Variants in UNC119B observed in about 807,000 individuals in gnomAD.
UNC119B encodes protein unc-119 homolog B.
In UNC119B, 16 loss-of-function variants were observed where a neutral mutation model predicts 23.4. The ratio of observed to expected loss-of-function variants is 0.68; its 90% confidence interval spans 0.46 to 1.04. The LOEUF is 1.04. Among genes scored for constraint, UNC119B ranks in the 50% least tolerant of loss-of-function variants. The probability of loss-of-function intolerance (pLI) is 0.00; values close to 1 mark genes in which losing one functional copy is unlikely to be tolerated. For synonymous variants in UNC119B, 144 were observed against 145.4 expected (o/e 0.99, Z 0.07); for missense variants, 350 against 361.3 (o/e 0.97, Z 0.25).
intron 4 of UNC119B, among the ~76,000 whole-genome samples, chr12:120,718,071 T>A (rs1882818502): frequency 6.6e-6 from 1 of 152,136 alleles, no homozygotes; most frequent in South Asian, 2.1e-4. Flanking sequence ...GGTTTCACCG[T>A]GTTAGCCAGG....
intron 2 of UNC119B, 121 bp from the exon 3 acceptor site, chr12:120,716,507 C>G: frequency 2.0e-6 from 2 of 1,004,412 alleles, no homozygotes; most frequent in Non-Finnish European, 3.2e-6. Flanking sequence ...TAAACACTGG[C>G]CATTCTTCTT....
intron 4 of UNC119B, 48 bp downstream of exon 4, chr12:120,717,090 A>G (rs778975620): frequency 1.9e-5 from 29 of 1,517,336 alleles, no homozygotes; most frequent in Admixed American, 2.2e-5. Flanking sequence ...GAGGGCTACA[A>G]GGAACAAACC....
chr12:120,715,110 G>C (rs939697618), intron 2 of UNC119B, among the ~76,000 whole-genome samples: 8 of 152,298 alleles, frequency 5.3e-5, no homozygotes, highest in African/African-American at 1.7e-4. Context: ...AGGATGGCTT[G>C]AGCCTGGGAG....
At chr12:120,717,585 C>T (rs925369756) in intron 4 of UNC119B, among the ~76,000 whole-genome samples, 20 of 145,178 alleles carry the variant, frequency 1.4e-4, no homozygotes, top group African/African-American at 4.1e-4. Flanking sequence ...TTTTTTGAGA[C>T]GGAGTCTTGC....
Position 120,710,474 on chromosome 12 carries a change from G to A in UNC119B, c.-1G>A, listed in dbSNP as rs1882631910. On this transcript the variant is annotated 5_prime_UTR_variant, in exon 1 of 5. Coordinates refer to ENST00000344651, the MANE Select transcript of UNC119B (RefSeq NM_001080533.3). ...GCGGCGGCCATCTTGGCGGCGGAGC[G>A]ATGAGCGGGTCTAACCCGAAGGCTG... 1.6e-6 allele frequency: 2 copies of A among 1,288,484 alleles called. No homozygotes were observed. The highest frequency in any genetic ancestry group is 2.4e-5 in the South Asian group (1 of 41,214). 79.8% of individuals were successfully genotyped at this position (1,288,484 alleles called of 1,614,324 possible).
At chr12:120,716,832 A>G (rs781689961) in intron 3 of UNC119B, 38 bp from the exon 4 acceptor site, 1 of 1,605,166 alleles carries the variant, frequency 6.2e-7, no homozygotes, top group East Asian at 2.2e-5. Flanking sequence ...TAGAGGAGGG[A>G]GGAGGCAAAG....
At chr12:120,716,139 T>C (rs1243692028) in intron 2 of UNC119B, among the ~76,000 whole-genome samples, 1 of 152,260 alleles carries the variant, frequency 6.6e-6, no homozygotes, top group Admixed American at 6.5e-5. Flanking sequence ...CCTCATTCTT[T>C]TAGGTTGGTG....
At chr12:120,714,610 G>T (rs1592927044) in intron 2 of UNC119B, among the ~76,000 whole-genome samples, 1 of 152,020 alleles carries the variant, frequency 6.6e-6, no homozygotes, top group South Asian at 2.1e-4. Flanking sequence ...GAGCCACCGC[G>T]CCTGGTTGCT....
chr12:120,710,676 A>G lies in UNC119B; in HGVS notation c.202A>G (p.Ile68Val), dbSNP rs1473154994. 2 of 1,448,752 alleles carry G rather than the reference A, an allele frequency of 1.4e-6. No individual in the cohort carries two copies. The highest frequency in any genetic ancestry group is 3.0e-5 in the African/African-American group (2 of 67,486). 89.7% of individuals were successfully genotyped at this position (1,448,752 alleles called of 1,614,324 possible). The part of the protein sequence containing the change: ...TEQELLALDT[I>V]RPEHVLRLSR... ...GCAGGAGCTGCTGGCGCTGGACACCATCCGGCCCGAGCACGTCCTGCGCCT... is the reference window on the plus strand; with the variant it reads ...GCAGGAGCTGCTGGCGCTGGACACCGTCCGGCCCGAGCACGTCCTGCGCCT... The change falls in exon 1 of 5, where the codon ATC (isoleucine) becomes GTC (valine). Residue 68 changes from isoleucine to valine, a missense_variant. Physicochemically the swap from Ile to Val is conservative, Grantham distance 29 (BLOSUM62 3). Coordinates refer to ENST00000344651, the MANE Select transcript of UNC119B (RefSeq NM_001080533.3).
chr12:120,710,841 CGCTTCCCGCTGCCCCGCCGGCCGG>C (rs1483493308), intron 1 of UNC119B, 123 bp downstream of exon 1: 15 of 978,398 alleles, frequency 1.5e-5, no homozygotes, highest in Middle Eastern at 3.8e-4. Flanking sequence ...GGCCGGGCCG[CGCTTCCCGCTGCCCCGCCGGCCGG>C]GCTTTGCTCC....
Position 120,720,067 on chromosome 12 carries a change from G to A in UNC119B, c.*35G>A, listed in dbSNP as rs373333532. ...GAGTAGATAGGGGAGGTGCTTTGCCGCGGCCACAAGATCCTGGCACACGGA... is the reference window on the plus strand; with the variant it reads ...GAGTAGATAGGGGAGGTGCTTTGCCACGGCCACAAGATCCTGGCACACGGA... On this transcript the variant is annotated 3_prime_UTR_variant, in exon 5 of 5. Coordinates refer to ENST00000344651, the MANE Select transcript of UNC119B (RefSeq NM_001080533.3). 2.6e-5 allele frequency: 39 copies of A among 1,476,772 alleles called. No individual in the cohort carries two copies. In the African/African-American group the frequency reaches 2.8e-4, roughly 11 times the overall value. The allele number at this position is 1,476,772 out of a possible 1,614,324, so 91.5% of individuals were successfully genotyped here.
intron 2 of UNC119B, among the ~76,000 whole-genome samples, chr12:120,715,886 C>A (rs898580218): frequency 1.3e-5 from 2 of 152,098 alleles, no homozygotes; most frequent in Admixed American, 1.3e-4. Flanking sequence ...TGGACTAGAC[C>A]GGAGACCAGC....
At chr12:120,710,848 C>G (rs1266128072) in intron 1 of UNC119B, 130 bp downstream of exon 1, 1 of 916,442 alleles carries the variant, frequency 1.1e-6, no homozygotes, top group East Asian at 3.7e-5. Flanking sequence ...CCGCGCTTCC[C>G]GCTGCCCCGC....
rs760470339 is a variant in UNC119B at position 120,716,990 on chromosome 12, T to C, written c.591T>C (p.Ser197=). 27 of 1,612,854 alleles carry C rather than the reference T, an allele frequency of 1.7e-5. No individual in the cohort carries two copies. The highest frequency in any genetic ancestry group is 2.3e-5 in the Non-Finnish European group (27 of 1,179,350). ...ATTTTGGCTTCTGCATCCCCAGCAG[T>C]AGGAACACTTGTGAACATATCTATG... ...DFDFGFCIPS[S]RNTCEHIYEF... is the part of the protein sequence containing the mutation. Residue 197 remains serine (S), a synonymous_variant, in exon 4 of 5, where the codon AGT becomes AGC. Transcript: ENST00000344651.
intron 4 of UNC119B, among the ~76,000 whole-genome samples, chr12:120,719,248 A>G (rs986699795): frequency 6.6e-6 from 1 of 152,222 alleles, no homozygotes; most frequent in Admixed American, 6.5e-5. Context: ...CTCAAAACTG[A>G]TCAGAGGTAG....
At chr12:120,719,112 TG>T (rs1459344122) in intron 4 of UNC119B, among the ~76,000 whole-genome samples, 20 of 152,308 alleles carry the variant, frequency 1.3e-4, no homozygotes, top group African/African-American at 4.3e-4. Flanking sequence ...AGAACTGTGG[TG>T]AGCAACAGCA....
rs746068713 is a variant in UNC119B, at chr12:120,719,996, C to A, written c.720C>A (p.His240Gln). ...FYFVDNKLIM[H>Q]NKADYAYNGG... ...TTGTTGACAACAAGCTGATAATGCA[C>A]AACAAGGCTGATTATGCCTATAATG... Residue 240 changes from histidine to glutamine, a missense_variant, in exon 5 of 5, where the codon CAC (histidine) becomes CAA (glutamine). Physicochemically the swap from His to Gln is conservative, Grantham distance 24. Transcript: ENST00000344651. The A allele has an allele frequency of 1.2e-6, 2 of 1,614,028 alleles. No homozygotes were observed. The highest frequency in any genetic ancestry group is 1.3e-5 in the African/African-American group (1 of 74,906).
chr12:120,715,216 C>T (rs535496811), intron 2 of UNC119B, among the ~76,000 whole-genome samples: 1 of 152,240 alleles, frequency 6.6e-6, no homozygotes, highest in East Asian at 1.9e-4. Context: ...ATATAAACAA[C>T]AGATTATCCT....
intron 2 of UNC119B, 128 bp downstream of exon 2, chr12:120,713,515 G>C (rs1158528273): frequency 1.5e-6 from 1 of 687,418 alleles, no homozygotes; most frequent in Non-Finnish European, 2.5e-6. Flanking sequence ...ACCTCTTCCC[G>C]TGGCCTGGTC....
Sources: allele counts gnomAD v4.1 joint callset (sites outside exome capture counted in the v4.1 genomes callset), GRCh38; gene constraint gnomAD v4.1.1; transcripts MANE v1.5; gene names NCBI Gene and HGNC (gene_info 2026-07-23, HGNC 2026-07-21).